Variants in MAML3 observed in about 807,000 individuals in gnomAD.
MAML3 encodes the protein mastermind-like protein 3.
MAML3 carries 27 observed loss-of-function variants against 101.9 expected under a neutral mutation model. The ratio of observed to expected loss-of-function variants is 0.27; its 90% CI spans 0.20 to 0.37. The LOEUF is 0.37. Ranked by LOEUF, MAML3 falls within the 10% of genes least tolerant of loss-of-function variation. The probability of loss-of-function intolerance (pLI) is 1.00; values close to 1 mark genes in which losing one functional copy is unlikely to be tolerated. For missense variants in MAML3, 1,316 were observed against 1,444.9 expected, an observed-to-expected ratio of 0.91 and a Z score of 1.45; for synonymous variants, 501 against 555.9, an observed-to-expected ratio of 0.90 and a Z score of 1.39.
intron 1 of MAML3, among the ~76,000 whole-genome samples, chr4:140,036,645 C>T (rs542254383): frequency 6.6e-6 from 1 of 152,314 alleles, no homozygotes; most frequent in Non-Finnish European, 1.5e-5. Flanking sequence ...TGCCTATTTT[C>T]TACCTCAACC....
intron 1 of MAML3, among the ~76,000 whole-genome samples, chr4:140,058,761 TATA>T (rs1727395802): frequency 6.6e-6 from 1 of 152,192 alleles, no homozygotes; most frequent in Non-Finnish European, 1.5e-5. Context: ...TAATTTGTTT[TATA>T]ATTTTTTTCC....
chr4:139,935,713 T>C (rs926432575), intron 1 of MAML3, among the ~76,000 whole-genome samples: 3 of 152,144 alleles, frequency 2.0e-5, no homozygotes, highest in Admixed American at 6.6e-5. Flanking sequence ...AATTTATTTT[T>C]GTGCTTTCTG....
chr4:139,868,611 C>T lies in MAML3; in HGVS notation c.2079+20746G>A, dbSNP rs778923933. Among the ~76,000 whole-genome samples the T allele has an allele frequency of 7.2e-5, 11 of 152,194 alleles. No individual in the cohort carries two copies. The East Asian group carries it at 7.7e-4, about 11-fold the overall frequency. On this transcript the variant is annotated intron_variant, in intron 2 of 4. Coordinates refer to ENST00000509479, the MANE Select transcript of MAML3 (RefSeq NM_018717.5). ...AAATTCACTTGATGTTTCTAGGCCG[C>T]GGTCTTCTCATATATAAATGGAGGT...
intron 1 of MAML3, among the ~76,000 whole-genome samples, chr4:140,143,905 T>C (rs536477804): frequency 6.6e-6 from 1 of 152,324 alleles, no homozygotes; most frequent in East Asian, 1.9e-4. Flanking sequence ...CAGGCATCCT[T>C]CACCTCATCG....
intron 1 of MAML3, among the ~76,000 whole-genome samples, chr4:139,973,059 A>C (rs886470840): frequency 1.3e-5 from 2 of 152,234 alleles, no homozygotes; most frequent in Non-Finnish European, 2.9e-5. Context: ...ATTTGTGACC[A>C]CTGATATTCA....
intron 1 of MAML3, among the ~76,000 whole-genome samples, chr4:140,105,907 G>A (rs1185577474): frequency 5.3e-5 from 8 of 152,034 alleles, no homozygotes; most frequent in Admixed American, 3.9e-4. Flanking sequence ...AGCTGAATGC[G>A]AGGTGGCTAT....
At chr4:139,793,007 A>G (rs1272227920) in intron 2 of MAML3, among the ~76,000 whole-genome samples, 2 of 151,912 alleles carry the variant, frequency 1.3e-5, no homozygotes, top group African/African-American at 4.8e-5. Flanking sequence ...CGGCCTCCCA[A>G]AGTGCTGGGA....
intron 2 of MAML3, among the ~76,000 whole-genome samples, chr4:139,841,627 G>A (rs1464240705): frequency 6.6e-6 from 1 of 152,182 alleles, no homozygotes; most frequent in African/African-American, 2.4e-5. Context: ...ACGTCAAGTG[G>A]TAACAAGGCC....
At chr4:139,801,643 G>GTGTGTGTGTGTGTGTGTGT (rs1560798508) in intron 2 of MAML3, among the ~76,000 whole-genome samples, 10 of 30,772 alleles carry the variant, frequency 3.2e-4, no homozygotes, top group African/African-American at 8.6e-4. Flanking sequence ...GGTGTGTGTG[G>GTGTGTGTGTGTGTGTGTGT]GTGTGTGTGT....
intron 2 of MAML3, among the ~76,000 whole-genome samples, chr4:139,827,891 C>T (rs1220662924): frequency 6.6e-6 from 1 of 152,166 alleles, no homozygotes; most frequent in Non-Finnish European, 1.5e-5. Flanking sequence ...TCAAAAATTA[C>T]TGCAAGTAAC....
In MAML3 at chr4:139,720,718, T is replaced by G. The variant is rs534361425; in HGVS notation, c.2417-395A>C. 2.6e-5 allele frequency among the ~76,000 whole-genome samples: 4 copies of G among 152,368 alleles called. No homozygotes were observed. The South Asian group carries it at 8.3e-4, about 32-fold the overall frequency. ...TTCAGAAGCAAATTATTTCGTACTC[T>G]TATAGGTATGACATCATCCTCAACC... is the stretch of plus-strand genomic sequence containing the variant. On this transcript the variant is annotated intron_variant, in intron 4 of 4. Transcript: ENST00000509479.
chr4:139,772,424 C>G (rs993455214), intron 2 of MAML3, among the ~76,000 whole-genome samples: 1 of 151,306 alleles, frequency 6.6e-6, no homozygotes, highest in Non-Finnish European at 1.5e-5. Context: ...TCACTGCAAC[C>G]TCCGCCTCCT....
intron 2 of MAML3, among the ~76,000 whole-genome samples, chr4:139,791,072 A>G (rs1395007142): frequency 2.0e-5 from 3 of 152,254 alleles, no homozygotes; most frequent in African/African-American, 7.2e-5. Flanking sequence ...TAACTTAGAT[A>G]GATATTTTGT....
chr4:139,834,286 ATCTT>A (rs1253909375), intron 2 of MAML3, among the ~76,000 whole-genome samples: 1 of 152,214 alleles, frequency 6.6e-6, no homozygotes, highest in Non-Finnish European at 1.5e-5. Flanking sequence ...TTAAACATTG[ATCTT>A]TCTTCCTCTT....
At chr4:140,115,603 C>G (rs1278626756) in intron 1 of MAML3, among the ~76,000 whole-genome samples, 4 of 152,094 alleles carry the variant, frequency 2.6e-5, no homozygotes, top group Non-Finnish European at 5.9e-5. Context: ...AAGTGAGAGA[C>G]TTAAGAGCAG....
At chr4:139,916,745 G>A (rs1186328693) in intron 1 of MAML3, among the ~76,000 whole-genome samples, 1 of 152,140 alleles carries the variant, frequency 6.6e-6, no homozygotes, top group Non-Finnish European at 1.5e-5. Flanking sequence ...ATAAGATAAG[G>A]CTAATATTGC....
At chr4:139,850,626 C>T (rs187550775) in intron 2 of MAML3, among the ~76,000 whole-genome samples, 2 of 146,316 alleles carry the variant, frequency 1.4e-5, no homozygotes, top group African/African-American at 2.4e-5. Context: ...CTCTGCTTTC[C>T]GGACTTAAAC....
intron 1 of MAML3, among the ~76,000 whole-genome samples, chr4:139,926,769 T>C (rs1226650484): frequency 3.9e-5 from 6 of 152,224 alleles, no homozygotes; most frequent in African/African-American, 1.4e-4. Flanking sequence ...AGGTTAACCA[T>C]ATGCTTACAT....
chr4:139,978,316 G>A (rs1309591991), intron 1 of MAML3, among the ~76,000 whole-genome samples: 4 of 152,080 alleles, frequency 2.6e-5, no homozygotes, highest in Non-Finnish European at 5.9e-5. Context: ...CCCAAGCACA[G>A]GAAGATTCAG....
Sources: gnomAD v4.1 joint callset for allele counts (sites outside exome capture counted in the v4.1 genomes callset) on GRCh38, gnomAD v4.1.1 for gene constraint, MANE v1.5 for transcripts, NCBI Gene and HGNC (gene_info 2026-07-23, HGNC 2026-07-21) for gene names.